XKR7: variants seen among roughly 807,000 people sequenced by gnomAD.
XKR7 encodes the protein XK-related protein 7.
A neutral mutation model predicts 42.2 loss-of-function variants in XKR7; 11 were observed. That is an observed-to-expected ratio of 0.26 (90% CI 0.16 to 0.43). XKR7 has a LOEUF of 0.43. Ranked by LOEUF, XKR7 falls within the 20% of genes least tolerant of loss-of-function variation. XKR7 has a pLI of 1.00. For synonymous variants in XKR7, 346 were observed against 366.4 expected (o/e 0.94, Z 0.64); for missense variants, 710 against 802.2 (o/e 0.89, Z 1.39).
chr20:31,996,367 A>T (rs1600663775), intron 2 of XKR7, 138 bp from the exon 3 acceptor site: 1 of 602,926 alleles, frequency 1.7e-6, no homozygotes, highest in Non-Finnish European at 2.7e-6. Flanking sequence ...CCTTCCCCAC[A>T]CCCCTGCTGA....
chr20:31,984,135 C>T (rs1281939561), intron 1 of XKR7, among the ~76,000 whole-genome samples: 1 of 151,840 alleles, frequency 6.6e-6, no homozygotes, highest in Non-Finnish European at 1.5e-5. Context: ...GTGGCGCACA[C>T]CCGTAATCCC....
Position 32,001,785 on chromosome 20 carries a change from CTGGCCCCTGCCACCTT to C in XKR7, c.*4333_*4348del, listed in dbSNP as rs2064626218. The C allele has an allele frequency of 6.6e-6, 1 of 152,288 alleles. No individual in the cohort carries two copies. The highest frequency in any genetic ancestry group is 1.5e-5 in the Non-Finnish European group (1 of 68,112). The allele number at this position is 152,288 out of a possible 1,614,324, so 9.4% of individuals were successfully genotyped here. A position where few individuals can be genotyped will look rare whatever the true frequency, so the allele number is the denominator to read the frequency against. On this transcript the variant is annotated 3_prime_UTR_variant, in exon 3 of 3. Transcript: ENST00000562532. The stretch of plus-strand genomic sequence containing the variant: ...CAGGACCCAAGAGTCCCATTCTGTG[CTGGCCCCTGCCACCTT>C]TGGCACCTGTCTCCCTCCCAGTTCA...
Position 31,968,435 on chromosome 20 carries a change from A to G in XKR7, c.260A>G (p.His87Arg). Reference protein sequence around the residue: ...LAASYYLQNQHTYFSLTLLFV... With the variant: ...LAASYYLQNQRTYFSLTLLFV... The stretch of plus-strand genomic sequence containing the variant: ...GCCTCCTACTACCTGCAGAATCAAC[A>G]CACCTACTTCAGCCTCACCTTGCTG... Residue 87 changes from histidine to arginine, a missense_variant, in exon 1 of 3, where the codon CAC (histidine) becomes CGC (arginine). His to Arg is a conservative substitution (Grantham distance 29). Transcript: ENST00000562532. This position sits in a 1 kb window ranked among gnomAD's most constrained non-coding sequence, Gnocchi z 4.5. The G allele has an allele frequency of 2.5e-6, 4 of 1,613,808 alleles. No homozygotes were observed. Among genetic ancestry groups the G allele is most frequent in the Non-Finnish European group, 3.4e-6 (4 of 1,179,854 alleles).
intron 1 of XKR7, among the ~76,000 whole-genome samples, chr20:31,977,388 C>T (rs1392060620): frequency 6.6e-6 from 1 of 152,116 alleles, no homozygotes; most frequent in African/African-American, 2.4e-5. Context: ...TAGCTGAGAG[C>T]TTGGGGCACC....
chr20:31,985,380 A>G (rs1264585442), intron 1 of XKR7, among the ~76,000 whole-genome samples: 2 of 152,168 alleles, frequency 1.3e-5, no homozygotes, highest in South Asian at 4.1e-4. Flanking sequence ...AGACCGACAG[A>G]TGGAGGAGCT....
chr20:31,993,275 C>CAGG (rs1165180261), intron 1 of XKR7, among the ~76,000 whole-genome samples: 1 of 152,096 alleles, frequency 6.6e-6, no homozygotes, highest in Non-Finnish European at 1.5e-5. Context: ...TCTGTAGCTG[C>CAGG]AGGAGTAGAG....
intron 1 of XKR7, among the ~76,000 whole-genome samples, chr20:31,981,430 G>C (rs771836930): frequency 6.6e-6 from 1 of 151,954 alleles, no homozygotes; most frequent in South Asian, 2.1e-4. Flanking sequence ...AGTGGCTCAC[G>C]CCTGTAATCC....
chr20:31,994,824 C>G (rs1205614249), intron 1 of XKR7, among the ~76,000 whole-genome samples: 1 of 152,184 alleles, frequency 6.6e-6, no homozygotes, highest in Non-Finnish European at 1.5e-5. Context: ...AGGGCGATAC[C>G]GCTGTTGTAT....
At position 31,996,563 on chromosome 20, in the gene XKR7, G is replaced by A. The variant is rs758068151; in HGVS notation, c.846G>A (p.Lys282=). ...CCTGGACGCTGGCCTCCTACCAGAA[G>A]GTGCTGCGGGACTCGCGGGACGACA... The part of the protein sequence containing the change: ...SLAWTLASYQ[K]VLRDSRDDKR... Residue 282 remains lysine, a synonymous_variant, in exon 3 of 3, where the codon AAG becomes AAA. Transcript: ENST00000562532. 6.7e-7 allele frequency: 1 copy of A among 1,496,686 alleles called. No individual in the cohort carries two copies. Among genetic ancestry groups the A allele is most frequent in the East Asian group, 2.4e-5 (1 of 42,426 alleles). The allele number at this position is 1,496,686 out of a possible 1,614,324, so 92.7% of individuals were successfully genotyped here.
chr20:31,974,557 T>C (rs1388371118), intron 1 of XKR7, among the ~76,000 whole-genome samples: 1 of 152,188 alleles, frequency 6.6e-6, no homozygotes, highest in Non-Finnish European at 1.5e-5. Flanking sequence ...CTTGAGGTAG[T>C]AGAAAATTAA....
chr20:31,996,506 C>T lies in XKR7; in HGVS notation c.789C>T (p.Ala263=). The T allele has an allele frequency of 1.4e-6, 2 of 1,471,948 alleles. No homozygotes were observed. The highest frequency in any genetic ancestry group is 1.4e-5 in the South Asian group (1 of 70,134). The allele number at this position is 1,471,948 out of a possible 1,614,324, so 91.2% of individuals were successfully genotyped here. ...CCCGCCCCTGCCCTGTCTCCACAGC[C>T]CTCTCCACCTCCGCCTCCCTCGTGT... ...HRGGAPDLLP[A]LSTSASLVSL... Residue 263 remains alanine (A), a splice_region_variant and synonymous_variant, in exon 3 of 3, where the codon GCC becomes GCT. Coordinates refer to ENST00000562532, the MANE Select transcript of XKR7 (RefSeq NM_001011718.2).
Position 31,995,219 on chromosome 20 carries a change from C to G in XKR7, c.736C>G (p.Leu246Val). ...CCTGCGCAGCGCGCCGCAGCTAGTGCTGCAGCTCAGCCTGCTGGTGCACCG... is the reference window on the plus strand; with the variant it reads ...CCTGCGCAGCGCGCCGCAGCTAGTGGTGCAGCTCAGCCTGCTGGTGCACCG... ...TFLRSAPQLVLQLSLLVHRGG... is the reference protein window; with the variant it reads ...TFLRSAPQLVVQLSLLVHRGG... The change falls in exon 2 of 3, where the codon CTG (leucine) becomes GTG (valine). Residue 246 changes from leucine to valine, a missense_variant. Around this residue, in one of 2 missense-constraint regions of XKR7, gnomAD observed 708 missense variants for 786.2 expected, o/e 0.90. Transcript: ENST00000562532. The surrounding 1 kb of genome is among the most constrained non-coding windows in gnomAD (Gnocchi z 4.1). The G allele has an allele frequency of 6.5e-7, 1 of 1,544,934 alleles. No homozygotes were observed. Among genetic ancestry groups the G allele is most frequent in the Non-Finnish European group, 8.7e-7 (1 of 1,146,372 alleles).
chr20:31,992,163 G>A (rs2064573179), intron 1 of XKR7, among the ~76,000 whole-genome samples: 1 of 152,024 alleles, frequency 6.6e-6, no homozygotes, highest in Non-Finnish European at 1.5e-5. Flanking sequence ...CAAAAAAACT[G>A]AGATCAAATG....
At chr20:31,988,993 A>G (rs1199907908) in intron 1 of XKR7, among the ~76,000 whole-genome samples, 1 of 152,216 alleles carries the variant, frequency 6.6e-6, no homozygotes, top group African/African-American at 2.4e-5. Flanking sequence ...TGCTGGGGAC[A>G]CAGGGGTGAT....
At chr20:31,994,300 G>A (rs996727136) in intron 1 of XKR7, among the ~76,000 whole-genome samples, 1 of 152,200 alleles carries the variant, frequency 6.6e-6, no homozygotes, top group Non-Finnish European at 1.5e-5. Flanking sequence ...TTGTCTAATG[G>A]TTAGAGTGCC....
At position 32,001,067 on chromosome 20, in the gene XKR7, T is replaced by A. The variant is rs993500256; in HGVS notation, c.*3610T>A. On this transcript the variant is annotated 3_prime_UTR_variant, in exon 3 of 3. Transcript: ENST00000562532. ...CCTGGGGAAAGTCCAGGCCTCTGGA[T>A]AAGGGCTGAGGGAGCTGGGAATATC... The A allele has an allele frequency of 2.0e-5, 3 of 152,212 alleles. No individual in the cohort carries two copies. The highest frequency in any genetic ancestry group is 4.8e-5 in the African/African-American group (2 of 41,408). 9.4% of individuals were successfully genotyped at this position (152,212 alleles called of 1,614,324 possible).
At chr20:31,986,637 C>T (rs1366235351) in intron 1 of XKR7, among the ~76,000 whole-genome samples, 2 of 148,304 alleles carry the variant, frequency 1.3e-5, no homozygotes, top group African/African-American at 5.1e-5. Flanking sequence ...AAGACACAGA[C>T]AGACAGACCA....
intron 1 of XKR7, among the ~76,000 whole-genome samples, chr20:31,987,938 G>A (rs577417441): frequency 8.5e-5 from 13 of 152,318 alleles, no homozygotes; most frequent in African/African-American, 3.1e-4. Context: ...ATTCCAGGGC[G>A]AGACTGACTG....
At chr20:31,977,824 C>T (rs956173229) in intron 1 of XKR7, among the ~76,000 whole-genome samples, 13 of 152,148 alleles carry the variant, frequency 8.5e-5, no homozygotes, top group Non-Finnish European at 1.9e-4. Context: ...AGGCTGTTCC[C>T]GAGGGTGTGA....
Sources: gnomAD v4.1 joint callset for allele counts (sites outside exome capture counted in the v4.1 genomes callset) on GRCh38, gnomAD v4.1.1 for gene constraint, gnomAD v4.1.1 regional missense constraint, Gnocchi (gnomAD v3.1) non-coding constraint, MANE v1.5 for transcripts, NCBI Gene and HGNC (gene_info 2026-07-23, HGNC 2026-07-21) for gene names.